CYBRD1: variants seen among roughly 807,000 people sequenced by gnomAD.
CYBRD1 encodes the protein cytochrome b reductase 1.
Under a neutral mutation model 21.9 loss-of-function variants are expected in CYBRD1, and 14 were observed. The observed-to-expected ratio is 0.64, with a 90% CI of 0.42 to 1.00. The LOEUF is 1.00. Among genes scored for constraint, CYBRD1 ranks in the 50% least tolerant of loss-of-function variants. The pLI, the probability that CYBRD1 is intolerant of heterozygous loss-of-function variation, is 0.00. For synonymous variants in CYBRD1, 146 were observed against 136.5 expected (o/e 1.07, Z -0.48); for missense variants, 328 against 352.5 (o/e 0.93, Z 0.56).
rs1280177255 is a variant in CYBRD1, at chr2:171,557,164, T to G, written c.*2337T>G. ...ATAAAATATATCTAGAAAACCTTTG[T>G]TTGAGACTCTTATTTAATGGGCTTT... On this transcript the variant is annotated 3_prime_UTR_variant, in exon 4 of 4. Coordinates refer to ENST00000321348, the MANE Select transcript of CYBRD1 (RefSeq NM_024843.4). 6.6e-6 allele frequency: 1 copy of G among 152,588 alleles called. No individual in the cohort carries two copies. The highest frequency in any genetic ancestry group is 1.5e-5 in the Non-Finnish European group (1 of 68,038). The allele number at this position is 152,588 out of a possible 1,614,324, so 9.5% of individuals were successfully genotyped here.
intron 2 of CYBRD1, among the ~76,000 whole-genome samples, chr2:171,547,403 G>C (rs1017814705): frequency 6.6e-6 from 1 of 151,466 alleles, no homozygotes; most frequent in Non-Finnish European, 1.5e-5. Context: ...CAATTGGACA[G>C]GGGCAAGAGT....
At position 171,555,524 on chromosome 2, in the gene CYBRD1, G is replaced by A. The variant is rs191856352; in HGVS notation, c.*697G>A. ...TGAAGTTAGCCCCAAGACTTCCCTA[G>A]GGTTGATGTACTTTATGATCCAGAT... On this transcript the variant is annotated 3_prime_UTR_variant, in exon 4 of 4. Coordinates refer to ENST00000321348, the MANE Select transcript of CYBRD1 (RefSeq NM_024843.4). The A allele has an allele frequency of 6.6e-6, 1 of 152,526 alleles. No homozygotes were observed. The highest frequency in any genetic ancestry group is 6.5e-5 in the Admixed American group (1 of 15,298). 9.4% of individuals were successfully genotyped at this position (152,526 alleles called of 1,614,324 possible).
chr2:171,549,526 C>T (rs1293264241), intron 2 of CYBRD1, among the ~76,000 whole-genome samples: 1 of 152,144 alleles, frequency 6.6e-6, no homozygotes, highest in Admixed American at 6.5e-5. Flanking sequence ...TGGGGTATTC[C>T]TGTTCCACAA....
At chr2:171,540,585 A>G (rs192500189) in intron 1 of CYBRD1, among the ~76,000 whole-genome samples, 24 of 152,328 alleles carry the variant, frequency 1.6e-4, no homozygotes, top group African/African-American at 5.5e-4. Flanking sequence ...TTCTCATTAA[A>G]GCACTCATCA....
At chr2:171,528,308 C>T (rs1230108625) in intron 1 of CYBRD1, among the ~76,000 whole-genome samples, 2 of 151,916 alleles carry the variant, frequency 1.3e-5, no homozygotes, top group African/African-American at 4.9e-5. Context: ...TGGTCTTGAA[C>T]TCCCGACCTC....
intron 1 of CYBRD1, among the ~76,000 whole-genome samples, chr2:171,524,108 G>A (rs1697350940): frequency 2.0e-5 from 3 of 152,152 alleles, no homozygotes; most frequent in African/African-American, 7.2e-5. Context: ...GGCAAGTGTG[G>A]CCAGCATTCT....
intron 2 of CYBRD1, among the ~76,000 whole-genome samples, chr2:171,548,800 GA>G (rs1158852265): frequency 6.8e-5 from 10 of 147,766 alleles, no homozygotes; most frequent in Non-Finnish European, 1.5e-5. Flanking sequence ...CAAAAGAAAA[GA>G]AAAAAAACCA....
Position 171,557,477 on chromosome 2 carries a change from G to T in CYBRD1, c.*2650G>T, listed in dbSNP as rs1361090315. 3 of 152,156 alleles carry T rather than the reference G, an allele frequency of 2.0e-5. No individual in the cohort carries two copies. The highest frequency in any genetic ancestry group is 2.9e-5 in the Non-Finnish European group (2 of 68,032). 9.4% of individuals were successfully genotyped at this position (152,156 alleles called of 1,614,324 possible). ...AGCCTTTTCTCTCAAAGCGTTTATT[G>T]AGAAACTCAAATGAATATACTTTTT... On this transcript the variant is annotated 3_prime_UTR_variant, in exon 4 of 4. Transcript: ENST00000321348.
At chr2:171,553,634 TATATC>T (rs1015317837) in intron 3 of CYBRD1, 134 bp downstream of exon 3, 21 of 764,572 alleles carry the variant, frequency 2.7e-5, no homozygotes, top group African/African-American at 2.2e-4. Flanking sequence ...AAGAATTTGT[TATATC>T]ATATAGGTAA....
chr2:171,537,213 G>A (rs919550022), intron 1 of CYBRD1, among the ~76,000 whole-genome samples: 1 of 152,152 alleles, frequency 6.6e-6, no homozygotes, highest in Non-Finnish European at 1.5e-5. Context: ...ACAGGCAAGG[G>A]GGAGATGTGT....
chr2:171,551,207 CCAAAGTG>C (rs1683360573), intron 2 of CYBRD1: 1 of 153,406 alleles, frequency 6.5e-6, no homozygotes. Context: ...CCTTGGCCTC[CCAAAGTG>C]CTGGGATTAC....
rs532904716 is a variant in CYBRD1, at chr2:171,545,620, C to T, written c.402+3827C>T. Among the ~76,000 whole-genome samples, 4 of 150,178 alleles carry T rather than the reference C, an allele frequency of 2.7e-5. No homozygotes were observed. The Admixed American group carries it at 2.7e-4, about 10-fold the overall frequency. On this transcript the variant is annotated intron_variant, in intron 2 of 3. Coordinates refer to ENST00000321348, the MANE Select transcript of CYBRD1 (RefSeq NM_024843.4). ...GTCAGGCTGGTCTCGAACTCCTGAC[C>T]TCAAATGATCCACCCGCCTCGGCCT... is the stretch of plus-strand genomic sequence containing the variant.
chr2:171,536,133 CT>C (rs71013042), intron 1 of CYBRD1, among the ~76,000 whole-genome samples: 25 of 110,262 alleles, frequency 2.3e-4, no homozygotes, highest in African/African-American at 6.4e-4. Flanking sequence ...GATAGTTACT[CT>C]TTTTTTTTTT....
intron 2 of CYBRD1, among the ~76,000 whole-genome samples, chr2:171,548,069 A>T (rs1697743778): frequency 1.3e-5 from 2 of 152,132 alleles, no homozygotes; most frequent in South Asian, 2.1e-4. Context: ...CGTCCCTTAT[A>T]AAAAAACTAT....
intron 2 of CYBRD1, among the ~76,000 whole-genome samples, chr2:171,545,692 GTTTA>G (rs942359200): frequency 7.3e-5 from 11 of 151,346 alleles, no homozygotes; most frequent in African/African-American, 2.4e-4. Flanking sequence ...TCCGGCCAAT[GTTTA>G]TTTATTTTTT....
chr2:171,522,932 G>A lies in CYBRD1; in HGVS notation c.193+194G>A, dbSNP rs1480196304. The A allele has an allele frequency of 1.2e-6, 1 of 858,656 alleles. No homozygotes were observed. The highest frequency in any genetic ancestry group is 1.7e-6 in the Non-Finnish European group (1 of 571,438). 53.2% of individuals were successfully genotyped at this position (858,656 alleles called of 1,614,324 possible). A position where few individuals can be genotyped will look rare whatever the true frequency, so the allele number is the denominator to read the frequency against. Reference sequence around the variant, plus strand: ...CTGGCTGGCTCTGGGGCGGGACAGAGCTGCGGTTCAGGAGGATCGCCGCGA... The same window carrying A: ...CTGGCTGGCTCTGGGGCGGGACAGAACTGCGGTTCAGGAGGATCGCCGCGA... On this transcript the variant is annotated intron_variant, in intron 1 of 3. Coordinates refer to ENST00000321348, the MANE Select transcript of CYBRD1 (RefSeq NM_024843.4). The surrounding 1 kb of genome is among the most constrained non-coding windows in gnomAD (Gnocchi z 4.3).
chr2:171,548,200 A>G (rs1281015168), intron 2 of CYBRD1, among the ~76,000 whole-genome samples: 1 of 152,140 alleles, frequency 6.6e-6, no homozygotes, highest in Non-Finnish European at 1.5e-5. Context: ...GACCTAAGAC[A>G]GCGTTTGGTC....
chr2:171,528,666 A>G (rs907542959), intron 1 of CYBRD1, among the ~76,000 whole-genome samples: 1 of 152,152 alleles, frequency 6.6e-6, no homozygotes, highest in African/African-American at 2.4e-5. Context: ...AAATTTGTAT[A>G]TTCAGCCCAG....
At chr2:171,531,324 A>G (rs956175025) in intron 1 of CYBRD1, among the ~76,000 whole-genome samples, 1 of 152,126 alleles carries the variant, frequency 6.6e-6, no homozygotes, top group African/African-American at 2.4e-5. Flanking sequence ...TATCCTATCC[A>G]TTTAATTAAC....
Sources: allele counts gnomAD v4.1 joint callset (sites outside exome capture counted in the v4.1 genomes callset), GRCh38; gene constraint gnomAD v4.1.1; non-coding constraint Gnocchi (gnomAD v3.1); transcripts MANE v1.5; gene names NCBI Gene and HGNC (gene_info 2026-07-23, HGNC 2026-07-21).